Variants in AGTPBP1 observed in about 807,000 individuals in gnomAD.
AGTPBP1 encodes cytosolic carboxypeptidase 1.
A neutral mutation model predicts 143.9 loss-of-function variants in AGTPBP1; 70 were observed. The ratio of observed to expected loss-of-function variants is 0.49; its 90% CI spans 0.40 to 0.59. AGTPBP1 has a LOEUF of 0.59. AGTPBP1 is among the 20% of genes least tolerant of loss of function. The pLI is 0.00. For synonymous variants in AGTPBP1, 463 were observed against 500.2 expected (o/e 0.93, Z 0.99); for missense variants, 1,229 against 1,464.5 (o/e 0.84, Z 2.62).
chr9:85,699,308 T>C (rs1285806544), intron 2 of AGTPBP1, among the ~76,000 whole-genome samples: 1 of 152,170 alleles, frequency 6.6e-6, no homozygotes, highest in African/African-American at 2.4e-5. Flanking sequence ...AAGGGCATTA[T>C]CACTCAAATA....
At chr9:85,623,044 T>C (rs141325042) in intron 14 of AGTPBP1, among the ~76,000 whole-genome samples, 42 of 152,304 alleles carry the variant, frequency 2.8e-4, no homozygotes, top group East Asian at 1.7e-3. Flanking sequence ...TGATGTTCCA[T>C]AACGCAAAAC....
chr9:85,678,411 G>C lies in AGTPBP1; in HGVS notation c.226-13C>G, dbSNP rs1834966491. ...GATCTTTTGTGTTCTGAAATAAATAGTTTGTTTTATTAAAACATTGTAAAC... is the reference window on the plus strand; with the variant it reads ...GATCTTTTGTGTTCTGAAATAAATACTTTGTTTTATTAAAACATTGTAAAC... On this transcript the variant is annotated splice_polypyrimidine_tract_variant and intron_variant, in intron 4 of 25. Transcript: ENST00000357081. 6 of 1,528,544 alleles carry C rather than the reference G, an allele frequency of 3.9e-6. No homozygotes were observed. Among genetic ancestry groups the C allele is most frequent in the Non-Finnish European group, 4.5e-6 (5 of 1,118,760 alleles). 94.7% of individuals were successfully genotyped at this position (1,528,544 alleles called of 1,614,324 possible). A position where few individuals can be genotyped will look rare whatever the true frequency, so the allele number is the denominator to read the frequency against.
chr9:85,723,305 C>T (rs1838252624), intron 1 of AGTPBP1, among the ~76,000 whole-genome samples: 1 of 152,204 alleles, frequency 6.6e-6, no homozygotes, highest in Non-Finnish European at 1.5e-5. Context: ...AGGCAGTAGG[C>T]CTTGCTGAGC....
chr9:85,564,343 C>T (rs2132890092), intron 25 of AGTPBP1, among the ~76,000 whole-genome samples: 1 of 152,336 alleles, frequency 6.6e-6, no homozygotes, highest in East Asian at 1.9e-4. Context: ...CTGTCCTGTT[C>T]TTGTCCTACC....
chr9:85,799,699 G>A, the AGTPBP1 span, among the ~76,000 whole-genome samples: 17 of 152,110 alleles, frequency 1.1e-4, no homozygotes, highest in South Asian at 8.3e-4. Context: ...ATTATTTTTC[G>A]TAGAGGTGGG....
At chr9:85,620,660 T>C (rs1830875692) in intron 15 of AGTPBP1, among the ~76,000 whole-genome samples, 1 of 152,036 alleles carries the variant, frequency 6.6e-6, no homozygotes, top group East Asian at 1.9e-4. Flanking sequence ...AAATAGTAAA[T>C]GACTAACACA....
At chr9:85,800,356 C>A in the AGTPBP1 span, among the ~76,000 whole-genome samples, 10 of 152,110 alleles carry the variant, frequency 6.6e-5, no homozygotes, top group Admixed American at 6.5e-4. Flanking sequence ...AGTTTTAGAG[C>A]CTTTCCAGGG....
intron 10 of AGTPBP1, 39 bp downstream of exon 10, chr9:85,657,396 T>A (rs778412924): frequency 1.3e-6 from 2 of 1,507,636 alleles, no homozygotes; most frequent in Admixed American, 1.8e-5. Context: ...AATCATATTA[T>A]TAGTACATAA....
the AGTPBP1 span, among the ~76,000 whole-genome samples, chr9:85,772,939 G>A: frequency 1.7e-4 from 26 of 152,120 alleles, no homozygotes; most frequent in South Asian, 8.3e-4. Flanking sequence ...AGAAATTATG[G>A]AAGGGTGATC....
chr9:85,621,439 A>C (rs1209224345), intron 14 of AGTPBP1, among the ~76,000 whole-genome samples, 154 bp from the exon 15 acceptor site: 1 of 152,108 alleles, frequency 6.6e-6, no homozygotes, highest in Non-Finnish European at 1.5e-5. Context: ...CAAAAAAACT[A>C]GCAATACGTA....
chr9:85,620,856 C>T (rs1755461588), intron 15 of AGTPBP1, among the ~76,000 whole-genome samples: 2 of 152,084 alleles, frequency 1.3e-5, no homozygotes, highest in African/African-American at 4.8e-5. Flanking sequence ...GCAAGACAAG[C>T]CAGCATTTCA....
At chr9:85,618,710 G>A (rs960679567) in intron 17 of AGTPBP1, among the ~76,000 whole-genome samples, 3 of 151,934 alleles carry the variant, frequency 2.0e-5, no homozygotes, top group South Asian at 2.1e-4. Context: ...ATCAGATGTC[G>A]CCATCGGAGT....
the AGTPBP1 span, among the ~76,000 whole-genome samples, chr9:85,798,201 C>A: frequency 4.6e-5 from 7 of 151,904 alleles, no homozygotes; most frequent in Admixed American, 6.6e-5. Context: ...TGTGCCCAGC[C>A]ACATGTTTTT....
chr9:85,646,948 A>G (rs1278776444), intron 11 of AGTPBP1, among the ~76,000 whole-genome samples: 2 of 151,854 alleles, frequency 1.3e-5, no homozygotes, highest in Non-Finnish European at 2.9e-5. Flanking sequence ...AAAAAAAAAA[A>G]TTACACACAC....
the AGTPBP1 span, among the ~76,000 whole-genome samples, chr9:85,750,750 C>T: frequency 6.6e-6 from 1 of 152,198 alleles, no homozygotes; most frequent in Admixed American, 6.5e-5. Context: ...TGATGAAACC[C>T]CTGGCTGGTA....
At chr9:85,578,618 T>C (rs1396257023) in intron 24 of AGTPBP1, among the ~76,000 whole-genome samples, 1 of 152,130 alleles carries the variant, frequency 6.6e-6, no homozygotes, top group Non-Finnish European at 1.5e-5. Flanking sequence ...CTTACACAGA[T>C]TATAAATTAC....
At chr9:85,549,124 G>C (rs1825894623) in intron 25 of AGTPBP1, among the ~76,000 whole-genome samples, 1 of 152,202 alleles carries the variant, frequency 6.6e-6, no homozygotes, top group Admixed American at 6.5e-5. Flanking sequence ...AAAGGGAAAA[G>C]AGGGAAGGGA....
At chr9:85,775,522 A>G in the AGTPBP1 span, among the ~76,000 whole-genome samples, 1 of 146,752 alleles carries the variant, frequency 6.8e-6, no homozygotes, top group East Asian at 1.9e-4. Context: ...TATCATATAT[A>G]TGATATATAT....
At chr9:85,804,538 G>A in the AGTPBP1 span, among the ~76,000 whole-genome samples, 1 of 152,180 alleles carries the variant, frequency 6.6e-6, no homozygotes. Context: ...GAAGGCAAAG[G>A]TATCTTCAAC....
Sources: gnomAD v4.1 joint callset for allele counts (sites outside exome capture counted in the v4.1 genomes callset) on GRCh38, gnomAD v4.1.1 for gene constraint, MANE v1.5 for transcripts, NCBI Gene and HGNC (gene_info 2026-07-23, HGNC 2026-07-21) for gene names.